The following BCL2L14 variants were observed in gnomAD, a reference collection of about 807,000 sequenced individuals.
BCL2L14 encodes apoptosis facilitator Bcl-2-like protein 14.
A neutral mutation model predicts 35.3 loss-of-function variants in BCL2L14; 27 were observed. The observed-to-expected ratio is 0.76, with a 90% CI of 0.56 to 1.05. BCL2L14 has a LOEUF of 1.05. Among genes scored for constraint, BCL2L14 ranks in the 50% least tolerant of loss-of-function variants. The probability of loss-of-function intolerance (pLI) is 0.00; values close to 1 mark genes in which losing one functional copy is unlikely to be tolerated. For missense variants in BCL2L14, 377 were observed against 382.6 expected, an observed-to-expected ratio of 0.99 and a Z score of 0.12; for synonymous variants, 139 against 145.9, an observed-to-expected ratio of 0.95 and a Z score of 0.34.
Position 12,079,738 on chromosome 12 carries a change from G to A in BCL2L14, c.433G>A (p.Ala145Thr), listed in dbSNP as rs747285875. 8.1e-6 allele frequency: 13 copies of A among 1,608,682 alleles called. No individual in the cohort carries two copies. In the East Asian group the frequency reaches 1.8e-4, roughly 22 times the overall value. Reference sequence around the variant, plus strand: ...CGTGGAGCAGTGCTTGGAGCATGAAGGTAGGCATCTGGGATTTCTTTCTCT... The same window carrying A: ...CGTGGAGCAGTGCTTGGAGCATGAAAGTAGGCATCTGGGATTTCTTTCTCT... ...SNVEQCLEHE[A>T]VDPKVISIAN... is the part of the protein sequence containing the mutation. Residue 145 changes from alanine to threonine, a missense_variant and splice_region_variant, in exon 2 of 6, where the codon GCT becomes ACT. Ala to Thr is a moderately conservative substitution (Grantham distance 58). Coordinates refer to ENST00000308721, the MANE Select transcript of BCL2L14 (RefSeq NM_138723.2).
intron 1 of BCL2L14, chr12:12,078,038 T>G: frequency 2.5e-6 from 1 of 404,378 alleles, no homozygotes; most frequent in Non-Finnish European, 5.0e-6. Context: ...GTTATTCGTA[T>G]GGAAATAAAG....
rs527796713 is a variant in BCL2L14 at position 12,056,823 on chromosome 12, C to G, written c.-272+4976C>G. 1.4e-4 allele frequency among the ~76,000 whole-genome samples: 21 copies of G among 151,308 alleles called. No homozygotes were observed. In the South Asian group the frequency reaches 2.7e-3, roughly 20 times the overall value. On this transcript the variant is annotated intron_variant, in intron 2 of 3. Coordinates refer to the BCL2L14 transcript ENST00000461264. ...TGCACTCCAGCCTGGACGACAAGAG[C>G]GAAACTCCATCTCAAAACAAAAACA... is the stretch of plus-strand genomic sequence containing the variant.
At chr12:12,053,181 T>G (rs1164030729) in intron 2 of BCL2L14, among the ~76,000 whole-genome samples, 1 of 152,196 alleles carries the variant, frequency 6.6e-6, no homozygotes, top group East Asian at 1.9e-4. Flanking sequence ...ATAACAGCCC[T>G]GTGAGATAGA....
At position 12,062,415 on chromosome 12, in the gene BCL2L14, C is replaced by T. The variant is rs1207132253; in HGVS notation, c.-272+10568C>T. Reference sequence around the variant, plus strand: ...ATTGCCACACACCAGCAAAGGCAGGCTATACTATAGTACAAGCCACTAGCC... The same window carrying T: ...ATTGCCACACACCAGCAAAGGCAGGTTATACTATAGTACAAGCCACTAGCC... On this transcript the variant is annotated intron_variant, in intron 2 of 3. Coordinates refer to the BCL2L14 transcript ENST00000461264. Among the ~76,000 whole-genome samples the T allele has an allele frequency of 6.8e-4, 101 of 149,150 alleles. 1 individual carries two copies. The highest frequency in any genetic ancestry group is 2.3e-3 in the Admixed American group (35 of 15,160).
At chr12:12,087,185 C>G (rs752766800) in intron 2 of BCL2L14, 28 bp from the exon 3 acceptor site, 1 of 1,609,564 alleles carries the variant, frequency 6.2e-7, no homozygotes, top group Non-Finnish European at 8.5e-7. Context: ...TGGGAAGGGC[C>G]TCTCAGCACC....
Position 12,094,763 on chromosome 12 carries a change from AG to A in BCL2L14, c.782del (p.Gly261GlufsTer15). 1 of 1,614,202 alleles carries A rather than the reference AG, an allele frequency of 6.2e-7. No individual in the cohort carries two copies. Among genetic ancestry groups the A allele is most frequent in the Non-Finnish European group, 8.5e-7 (1 of 1,180,036 alleles). ...TDQVLMGVDPRGESEVKAQGF... is the reference protein window; with the variant it reads ...TDQVLMGVDPXGESEVKAQGF... ...CCAGGTCCTAATGGGTGTGGACCCC[AG>A]GGGAGAATCAGAGGTCAAAGCTCAG... On this transcript the variant is annotated frameshift_variant, in exon 5 of 6. Coordinates refer to ENST00000308721, the MANE Select transcript of BCL2L14 (RefSeq NM_138723.2). LOFTEE classifies it high-confidence loss of function.
chr12:12,090,316 A>T (rs1423299565), intron 3 of BCL2L14, among the ~76,000 whole-genome samples: 1 of 152,198 alleles, frequency 6.6e-6, no homozygotes, highest in Non-Finnish European at 1.5e-5. Flanking sequence ...GAGGCGAGGT[A>T]AGATTTACTT....
At chr12:12,077,537 C>T (rs949671176) in intron 1 of BCL2L14, among the ~76,000 whole-genome samples, 1 of 113,132 alleles carries the variant, frequency 8.8e-6, no homozygotes, top group South Asian at 3.1e-4. Context: ...AACTGAGTCT[C>T]AAAAAAAAAA....
In BCL2L14 at chr12:12,098,983, G is replaced by C. The variant is rs1393763373; in HGVS notation, c.979G>C (p.Asp327His). ...ACTTGGGATATCACATGAAGAAGTA[G>C]ACTGAAATATCAGATTTGTCATCAG... ...KILGISHEEV[D>H] The change falls in exon 6 of 6, where the codon GAC becomes CAC. Residue 327 changes from aspartate (D) to histidine (H), a missense_variant. Coordinates refer to ENST00000308721, the MANE Select transcript of BCL2L14 (RefSeq NM_138723.2). 6 of 1,601,860 alleles carry C rather than the reference G, an allele frequency of 3.7e-6. No homozygotes were observed. Among genetic ancestry groups the C allele is most frequent in the Non-Finnish European group, 5.1e-6 (6 of 1,168,830 alleles).
chr12:12,086,775 G>A (rs964182584), intron 2 of BCL2L14, among the ~76,000 whole-genome samples: 9 of 152,198 alleles, frequency 5.9e-5, no homozygotes, highest in African/African-American at 7.2e-5. Context: ...GACCAACCCC[G>A]AAATGCTTGT....
chr12:12,052,110 T>A (rs1307357040), intron 2 of BCL2L14, among the ~76,000 whole-genome samples: 6 of 152,228 alleles, frequency 3.9e-5, no homozygotes, highest in African/African-American at 9.6e-5. Flanking sequence ...TATTTTTCAT[T>A]AACAAGTAGT....
At chr12:12,059,153 C>T (rs540559312) in intron 2 of BCL2L14, among the ~76,000 whole-genome samples, 21 of 152,306 alleles carry the variant, frequency 1.4e-4, no homozygotes, top group Admixed American at 3.3e-4. Context: ...ATTGCAAGGA[C>T]ACCTCTCTGA....
chr12:12,057,023 C>T (rs1441700743), intron 2 of BCL2L14, among the ~76,000 whole-genome samples: 1 of 151,538 alleles, frequency 6.6e-6, no homozygotes, highest in African/African-American at 2.4e-5. Context: ...TATAAAAGAA[C>T]ATGTGGCAAA....
At chr12:12,097,615 A>G (rs1949344002) in intron 5 of BCL2L14, among the ~76,000 whole-genome samples, 1 of 152,240 alleles carries the variant, frequency 6.6e-6, no homozygotes, top group Non-Finnish European at 1.5e-5. Flanking sequence ...CGATGTTTGC[A>G]TAACTCTGTG....
At chr12:12,083,458 A>C (rs922045218) in intron 2 of BCL2L14, among the ~76,000 whole-genome samples, 5 of 152,210 alleles carry the variant, frequency 3.3e-5, no homozygotes, top group Non-Finnish European at 7.3e-5. Context: ...TTCACTTGTG[A>C]ATCTTTTGTT....
chr12:12,064,792 G>A (rs906614188), intron 2 of BCL2L14, among the ~76,000 whole-genome samples: 1 of 152,210 alleles, frequency 6.6e-6, no homozygotes, highest in Non-Finnish European at 1.5e-5. Flanking sequence ...CAGCAAGTGT[G>A]AAATGACCTA....
chr12:12,093,676 C>T (rs1011008472), intron 4 of BCL2L14, among the ~76,000 whole-genome samples: 6 of 151,624 alleles, frequency 4.0e-5, no homozygotes, highest in Admixed American at 3.9e-4. Flanking sequence ...GCCAGTAATC[C>T]CAGCTACTTG....
rs12426506 is a variant in BCL2L14 at position 12,091,755 on chromosome 12, C to T, written c.678+906C>T. Among the ~76,000 whole-genome samples, 1,274 of 152,160 alleles carry T rather than the reference C, an allele frequency of 8.4e-3. 33 individuals are homozygous for T. Among genetic ancestry groups the T allele is most frequent in the Admixed American group, 0.039 (603 of 15,282 alleles). On this transcript the variant is annotated intron_variant, in intron 4 of 5. Coordinates refer to ENST00000308721, the MANE Select transcript of BCL2L14 (RefSeq NM_138723.2). ...GGATATTAGGTTAAAGAAAAGAGAA[C>T]GGGGTGTGTGAGCTTTGGGACCACA... is the stretch of plus-strand genomic sequence containing the variant.
At chr12:12,060,822 T>G (rs1182434644) in intron 2 of BCL2L14, among the ~76,000 whole-genome samples, 3 of 131,450 alleles carry the variant, frequency 2.3e-5, no homozygotes, top group African/African-American at 8.8e-5. Flanking sequence ...CCGAAGGCTC[T>G]CTGACTGACT....
Sources: gnomAD v4.1 joint callset for allele counts (sites outside exome capture counted in the v4.1 genomes callset) on GRCh38, gnomAD v4.1.1 for gene constraint, MANE v1.5 for transcripts, NCBI Gene and HGNC (gene_info 2026-07-23, HGNC 2026-07-21) for gene names.